The following AFG2A variants were observed in gnomAD, a reference collection of about 807,000 sequenced individuals.
AFG2A encodes the protein AAA ATPase AFG2A, also known as ATPase family gene 2 protein homolog A.
At chr4:123,171,742 T>C in the AFG2A span, among the ~76,000 whole-genome samples, 1 of 152,154 alleles carries the variant, frequency 6.6e-6, no homozygotes, top group Non-Finnish European at 1.5e-5. Flanking sequence ...AATTTAAAAA[T>C]AGGGTTTTGC....
chr4:122,998,372 A>T, the AFG2A span, among the ~76,000 whole-genome samples: 1 of 151,966 alleles, frequency 6.6e-6, no homozygotes, highest in East Asian at 1.9e-4. Context: ...CAGGTTAGTT[A>T]AATATGTATA....
the AFG2A span, among the ~76,000 whole-genome samples, chr4:123,241,063 C>G: frequency 6.6e-6 from 1 of 152,138 alleles, no homozygotes; most frequent in Non-Finnish European, 1.5e-5. Flanking sequence ...GACATATACA[C>G]CCTCCCAAGA....
At chr4:122,992,456 T>C in the AFG2A span, among the ~76,000 whole-genome samples, 1 of 152,230 alleles carries the variant, frequency 6.6e-6, no homozygotes. Flanking sequence ...TTCCTAAAAA[T>C]TCAGTTTCCT....
chr4:122,999,337 C>T, the AFG2A span, among the ~76,000 whole-genome samples: 1 of 152,072 alleles, frequency 6.6e-6, no homozygotes, highest in Non-Finnish European at 1.5e-5. Context: ...TCAATTTTGG[C>T]TTTTGTTGCC....
chr4:123,314,634 C>T, the AFG2A span: 2 of 152,062 alleles, frequency 1.3e-5, no homozygotes, highest in African/African-American at 4.8e-5. Flanking sequence ...CCTTCTTAAT[C>T]TCTACCTATG....
the AFG2A span, among the ~76,000 whole-genome samples, chr4:123,021,507 C>T: frequency 7.9e-5 from 12 of 152,186 alleles, no homozygotes; most frequent in South Asian, 1.7e-3. Context: ...AGCCCTTCTA[C>T]GAACACATGG....
the AFG2A span, among the ~76,000 whole-genome samples, chr4:123,226,276 C>T: frequency 6.6e-6 from 1 of 152,168 alleles, no homozygotes. Context: ...CAGAGGGCAT[C>T]CCTGTCTTGT....
the AFG2A span, among the ~76,000 whole-genome samples, chr4:123,111,770 C>T: frequency 0.011 from 1,636 of 151,820 alleles, 35 homozygotes; most frequent in South Asian, 0.096. Flanking sequence ...AGAGACTCAC[C>T]CTGTCGCCCA....
chr4:123,157,159 GTGCC>G, the AFG2A span, among the ~76,000 whole-genome samples: 1 of 151,590 alleles, frequency 6.6e-6, no homozygotes, highest in South Asian at 2.1e-4. Context: ...GGGATTACAG[GTGCC>G]TGCCACCACG....
the AFG2A span, among the ~76,000 whole-genome samples, chr4:122,931,483 A>G: frequency 6.6e-6 from 1 of 152,180 alleles, no homozygotes; most frequent in Non-Finnish European, 1.5e-5. Context: ...AACACACACA[A>G]TATATGTAGC....
At chr4:123,267,740 T>A in the AFG2A span, among the ~76,000 whole-genome samples, 1 of 152,068 alleles carries the variant, frequency 6.6e-6, no homozygotes, top group Non-Finnish European at 1.5e-5. Context: ...ATCAAAAGAT[T>A]TCATTATAAT....
the AFG2A span, among the ~76,000 whole-genome samples, chr4:122,954,408 G>A: frequency 6.6e-6 from 1 of 152,178 alleles, no homozygotes; most frequent in East Asian, 1.9e-4. Context: ...AGTTTTGTGG[G>A]TCTACTCCCT....
chr4:122,999,030 T>A, the AFG2A span, among the ~76,000 whole-genome samples: 1 of 151,930 alleles, frequency 6.6e-6, no homozygotes, highest in South Asian at 2.1e-4. Context: ...GGTATCTCAT[T>A]GTGGTTTTGA....
At chr4:123,012,532 G>A in the AFG2A span, among the ~76,000 whole-genome samples, 2 of 152,048 alleles carry the variant, frequency 1.3e-5, no homozygotes, top group African/African-American at 4.8e-5. Flanking sequence ...GCGTCCCTGC[G>A]GTGATCAGAC....
chr4:123,070,251 AT>A, the AFG2A span, among the ~76,000 whole-genome samples: 1,919 of 152,234 alleles, frequency 0.013, 54 homozygotes, highest in African/African-American at 0.044. Flanking sequence ...ATGACTAAAA[AT>A]TAATATTTAA....
the AFG2A span, among the ~76,000 whole-genome samples, chr4:123,103,204 T>C: frequency 6.6e-6 from 1 of 152,052 alleles, no homozygotes; most frequent in African/African-American, 2.4e-5. Flanking sequence ...GAGATAATAG[T>C]TGAAGAAAAG....
chr4:122,964,501 CAAAA>C, the AFG2A span, among the ~76,000 whole-genome samples: 6 of 126,060 alleles, frequency 4.8e-5, no homozygotes, highest in Admixed American at 7.8e-5. Flanking sequence ...AAGACTGTCT[CAAAA>C]AAAAAAAAAA....
chr4:123,046,105 A>G, the AFG2A span, among the ~76,000 whole-genome samples: 13 of 152,012 alleles, frequency 8.6e-5, no homozygotes, highest in Middle Eastern at 3.2e-3. Context: ...TCAAAAAAAA[A>G]AAAGAAAGAA....
chr4:123,221,859 G>A, the AFG2A span, among the ~76,000 whole-genome samples: 4 of 151,968 alleles, frequency 2.6e-5, no homozygotes, highest in Admixed American at 1.3e-4. Context: ...CCCGGGAGGC[G>A]GAGGTTGCAG....
Sources: gnomAD v4.1 joint callset for allele counts (sites outside exome capture counted in the v4.1 genomes callset) on GRCh38, gnomAD v4.1.1 for gene constraint, MANE v1.5 for transcripts, NCBI Gene and HGNC (gene_info 2026-07-23, HGNC 2026-07-21) for gene names.